The following DOCK8 variants were observed in gnomAD, a reference collection of about 807,000 sequenced individuals.
The protein encoded by DOCK8 is dedicator of cytokinesis protein 8.
DOCK8 carries 141 observed loss-of-function variants against 245.6 expected under a neutral mutation model. That is an observed-to-expected ratio of 0.57 (90% CI 0.50 to 0.66). DOCK8 has a LOEUF of 0.66. Ranked by LOEUF, DOCK8 falls within the 30% of genes least tolerant of loss-of-function variation. The probability of loss-of-function intolerance (pLI) is 0.00; values close to 1 mark genes in which losing one functional copy is unlikely to be tolerated. For missense variants in DOCK8, 2,965 were observed against 2,603.4 expected (o/e 1.14, Z -3.02); for synonymous variants, 1,168 against 970.2 (o/e 1.20, Z -3.79).
chr9:334,501 G>A (rs1586728934), intron 11 of DOCK8, 117 bp downstream of exon 11: 1 of 1,127,322 alleles, frequency 8.9e-7, no homozygotes, highest in South Asian at 1.5e-5. Context: ...GGAGGCAGAA[G>A]GAGATAAATA....
At chr9:279,103 A>T (rs897794340) in intron 2 of DOCK8, among the ~76,000 whole-genome samples, 3 of 152,164 alleles carry the variant, frequency 2.0e-5, no homozygotes, top group Non-Finnish European at 2.9e-5. Context: ...CTGATGGGTG[A>T]TATGTAGAGT....
intron 1 of DOCK8, among the ~76,000 whole-genome samples, chr9:269,194 T>C (rs1587693907): frequency 6.6e-6 from 1 of 152,202 alleles, no homozygotes; most frequent in African/African-American, 2.4e-5. Flanking sequence ...CCAAACTCAT[T>C]AGCAGCCACT....
intron 26 of DOCK8, among the ~76,000 whole-genome samples, chr9:400,695 CCACCACCACCACCTCCACCAT>C (rs2054921681): frequency 3.8e-5 from 4 of 105,340 alleles, no homozygotes; most frequent in Admixed American, 9.3e-5. Flanking sequence ...ACCACCTCCA[CCACCACCACCACCTCCACCAT>C]CACCACCACC....
chr9:349,831 G>A (rs11793121), intron 14 of DOCK8, among the ~76,000 whole-genome samples: 26,455 of 152,178 alleles, frequency 0.17, 4,892 homozygotes, highest in African/African-American at 0.47. Flanking sequence ...GACACACTCA[G>A]AAACCTTAGA....
intron 33 of DOCK8, among the ~76,000 whole-genome samples, chr9:426,152 A>G (rs1335982595): frequency 6.6e-6 from 1 of 152,194 alleles, no homozygotes; most frequent in African/African-American, 2.4e-5. Flanking sequence ...TAGATTTCAT[A>G]AGAATGGATG....
intron 22 of DOCK8, among the ~76,000 whole-genome samples, chr9:384,291 C>T (rs192559436): frequency 1.4e-4 from 21 of 152,290 alleles, no homozygotes; most frequent in African/African-American, 4.3e-4. Context: ...AAAGCTACCA[C>T]GATGAATTCT....
In DOCK8 at chr9:372,283, T is replaced by C. The variant is rs745683625; in HGVS notation, c.2106T>C (p.Ala702=). 4 of 1,613,304 alleles carry C rather than the reference T, an allele frequency of 2.5e-6. No homozygotes were observed. Among genetic ancestry groups the C allele is most frequent in the Non-Finnish European group, 3.4e-6 (4 of 1,179,320 alleles). The change falls in exon 18 of 48, where the codon GCT becomes GCC. Residue 702 remains alanine, a synonymous_variant. Transcript: ENST00000432829. The stretch of plus-strand genomic sequence containing the variant: ...CACCCAACTACTCCATGCATTCTGC[T>C]GAGGTAATTGGCAAGCTGGCCATCA... ...KLPPNYSMHS[A]EKVPLQNPPI...
At chr9:394,796 G>C (rs1586888939) in intron 24 of DOCK8, among the ~76,000 whole-genome samples, 1 of 152,342 alleles carries the variant, frequency 6.6e-6, no homozygotes, top group African/African-American at 2.4e-5. Flanking sequence ...ACTCAACAGG[G>C]CCAGGCCTCC....
chr9:324,511 C>T (rs2050668695), intron 7 of DOCK8, among the ~76,000 whole-genome samples: 1 of 152,120 alleles, frequency 6.6e-6, no homozygotes, highest in East Asian at 1.9e-4. Context: ...GCAAATAATG[C>T]ACCAGGATTA....
At chr9:367,975 A>G (rs371885712) in intron 14 of DOCK8, 43 bp from the exon 15 acceptor site, 56 of 1,510,878 alleles carry the variant, frequency 3.7e-5, no homozygotes, top group Non-Finnish European at 5.1e-5. Flanking sequence ...GTTAAAATAA[A>G]CTCTAGACCT....
intron 26 of DOCK8, among the ~76,000 whole-genome samples, chr9:403,810 A>G (rs1416876208): frequency 6.7e-6 from 1 of 149,844 alleles, no homozygotes; most frequent in Non-Finnish European, 1.5e-5. Flanking sequence ...GGTTGCAGTG[A>G]GCCGAGATCA....
In DOCK8 at chr9:406,984, C is replaced by G; in HGVS notation, c.3445C>G (p.Leu1149Val). ...QDQKIASMFDLTSEYRQQHFL... is the reference protein window; with the variant it reads ...QDQKIASMFDVTSEYRQQHFL... ...CCAGAAGATCGCCAGCATGTTCGAT[C>G]TGACTTCCGAGTACCGCCAGCAGCA... Residue 1149 changes from leucine (L) to valine (V), a missense_variant, in exon 28 of 48, where the codon CTG (leucine) becomes GTG (valine). By Grantham distance (32) the Leu-to-Val change is conservative. Coordinates refer to ENST00000432829, the MANE Select transcript of DOCK8 (RefSeq NM_203447.4). The G allele has an allele frequency of 6.2e-7, 1 of 1,614,202 alleles. No individual in the cohort carries two copies. Among genetic ancestry groups the G allele is most frequent in the Non-Finnish European group, 8.5e-7 (1 of 1,180,028 alleles).
chr9:220,666 G>A (rs2046860238), intron 1 of DOCK8: 2 of 364,492 alleles, frequency 5.5e-6, no homozygotes, highest in South Asian at 4.1e-5. Flanking sequence ...AAGGGTTAAA[G>A]CAACAGGAAT....
intron 5 of DOCK8, among the ~76,000 whole-genome samples, chr9:311,036 A>G (rs2050085464): frequency 6.6e-6 from 1 of 152,114 alleles, no homozygotes; most frequent in African/African-American, 2.4e-5. Flanking sequence ...CTGTAATCCT[A>G]GCACTTTGGG....
At chr9:333,306 T>G (rs1270267469) in intron 10 of DOCK8, among the ~76,000 whole-genome samples, 1 of 152,254 alleles carries the variant, frequency 6.6e-6, no homozygotes, top group East Asian at 1.9e-4. Context: ...GTGTGATTTT[T>G]AAAACATGGC....
chr9:291,295 G>GA (rs905746647), intron 4 of DOCK8, among the ~76,000 whole-genome samples: 6 of 151,724 alleles, frequency 4.0e-5, no homozygotes, highest in Non-Finnish European at 7.4e-5. Flanking sequence ...AAATGTAAGA[G>GA]AAAAAAATGA....
intron 7 of DOCK8, among the ~76,000 whole-genome samples, chr9:323,701 T>C (rs900904146): frequency 1.3e-5 from 2 of 152,230 alleles, no homozygotes; most frequent in Non-Finnish European, 2.9e-5. Flanking sequence ...ACTCCCATTC[T>C]ACTTTCTGCC....
intron 1 of DOCK8, among the ~76,000 whole-genome samples, chr9:266,718 A>G (rs1440975347): frequency 6.6e-6 from 1 of 152,148 alleles, no homozygotes; most frequent in African/African-American, 2.4e-5. Flanking sequence ...GTCCATCACC[A>G]CCATTCTGAC....
intron 1 of DOCK8, among the ~76,000 whole-genome samples, chr9:242,909 A>G (rs1022433744): frequency 6.6e-6 from 1 of 152,130 alleles, no homozygotes; most frequent in South Asian, 2.1e-4. Context: ...CACTCTAAAC[A>G]GTACCAGAGG....
Sources: gnomAD v4.1 joint callset for allele counts (sites outside exome capture counted in the v4.1 genomes callset) on GRCh38, gnomAD v4.1.1 for gene constraint, MANE v1.5 for transcripts, NCBI Gene and HGNC (gene_info 2026-07-23, HGNC 2026-07-21) for gene names.